SUPT16H: variants seen among roughly 807,000 people sequenced by gnomAD.
SUPT16H encodes SPT16 homolog, facilitates chromatin remodeling subunit.
SUPT16H carries 24 observed loss-of-function variants against 136.2 expected under a neutral mutation model. The observed-to-expected ratio is 0.18, with a 90% CI of 0.13 to 0.25. SUPT16H has a LOEUF of 0.25. SUPT16H is among the 10% of genes least tolerant of loss of function. The probability of loss-of-function intolerance (pLI) is 1.00; values close to 1 mark genes in which losing one functional copy is unlikely to be tolerated. For missense variants in SUPT16H, 623 were observed against 1,270.2 expected, an observed-to-expected ratio of 0.49 and a Z score of 7.74; for synonymous variants, 415 against 428.2, an observed-to-expected ratio of 0.97 and a Z score of 0.38.
intron 22 of SUPT16H, 47 bp from the exon 23 acceptor site, chr14:21,354,587 C>T: frequency 6.2e-7 from 1 of 1,601,012 alleles, no homozygotes; most frequent in Non-Finnish European, 8.5e-7. Flanking sequence ...CTGTATTTTC[C>T]ATATATTCTT....
At chr14:21,357,731 C>T (rs1356070125) in intron 21 of SUPT16H, among the ~76,000 whole-genome samples, 196 bp downstream of exon 21, 1 of 152,140 alleles carries the variant, frequency 6.6e-6, no homozygotes, top group Admixed American at 6.5e-5. Flanking sequence ...CCACCTTGGC[C>T]TCTAATTGTG....
At chr14:21,381,128 T>A (rs1388475937) in intron 1 of SUPT16H, among the ~76,000 whole-genome samples, 1 of 152,034 alleles carries the variant, frequency 6.6e-6, no homozygotes, top group Non-Finnish European at 1.5e-5. Context: ...AATAGTACGT[T>A]CTAAGGTCTC....
intron 1 of SUPT16H, among the ~76,000 whole-genome samples, chr14:21,382,673 ATGACAC>A (rs1418994028): frequency 4.2e-5 from 2 of 47,506 alleles, no homozygotes; most frequent in Admixed American, 1.9e-4. Flanking sequence ...TTTGAATAAT[ATGACAC>A]TGAGAGAAGC....
At chr14:21,363,687 C>CT (rs1396630161) in intron 10 of SUPT16H, among the ~76,000 whole-genome samples, 184 bp from the exon 11 acceptor site, 2 of 151,432 alleles carry the variant, frequency 1.3e-5, no homozygotes, top group Non-Finnish European at 2.9e-5. Flanking sequence ...TTTTCTTTTT[C>CT]TTTTTTTTGA....
intron 22 of SUPT16H, 100 bp from the exon 23 acceptor site, chr14:21,354,640 G>A: frequency 2.1e-6 from 3 of 1,433,310 alleles, no homozygotes; most frequent in Non-Finnish European, 2.8e-6. Context: ...TGCCCAGGCT[G>A]GAGTGCAGTG....
In SUPT16H at chr14:21,352,232, C is replaced by T. The variant is rs926398899; in HGVS notation, c.*441G>A. Reference sequence around the variant, plus strand: ...TGCAAAGATAAAACTTAGAGATGTGCGGAAGGTCATGGCAGTAGGGTAGGT... The same window carrying T: ...TGCAAAGATAAAACTTAGAGATGTGTGGAAGGTCATGGCAGTAGGGTAGGT... On this transcript the variant is annotated 3_prime_UTR_variant, in exon 26 of 26. Transcript: ENST00000216297. The T allele has an allele frequency of 2.3e-5, 4 of 170,838 alleles. No individual in the cohort carries two copies. Among genetic ancestry groups the T allele is most frequent in the Non-Finnish European group, 5.2e-5 (4 of 77,384 alleles). 10.6% of individuals were successfully genotyped at this position (170,838 alleles called of 1,614,324 possible).
chr14:21,369,190 C>T lies in SUPT16H; in HGVS notation c.782+14G>A. The T allele has an allele frequency of 6.2e-7, 1 of 1,611,554 alleles. No individual in the cohort carries two copies. The highest frequency in any genetic ancestry group is 1.3e-5 in the African/African-American group (1 of 74,924). On this transcript the variant is annotated intron_variant, in intron 6 of 25. Transcript: ENST00000216297. ...AAGTCAAAATGCTATATTATGAAGTCTTCATATACTTACCTCACCACACTG... is the reference window on the plus strand; with the variant it reads ...AAGTCAAAATGCTATATTATGAAGTTTTCATATACTTACCTCACCACACTG...
At chr14:21,380,832 G>C (rs540304900) in intron 1 of SUPT16H, among the ~76,000 whole-genome samples, 1 of 151,872 alleles carries the variant, frequency 6.6e-6, no homozygotes, top group Admixed American at 6.6e-5. Context: ...TGGAACCCTG[G>C]GATGGTAGAT....
At chr14:21,379,366 G>A (rs567072305) in intron 1 of SUPT16H, among the ~76,000 whole-genome samples, 3 of 151,516 alleles carry the variant, frequency 2.0e-5, no homozygotes, top group African/African-American at 7.3e-5. Flanking sequence ...ATCCCGGGAG[G>A]CAGAGGTTGC....
chr14:21,361,414 T>TA (rs1304871038), intron 15 of SUPT16H: 194 of 622,116 alleles, frequency 3.1e-4, no homozygotes, highest in Non-Finnish European at 4.8e-4. Flanking sequence ...CCTCCTGGGT[T>TA]CAAGCCATCC....
chr14:21,371,618 C>T (rs989322588), intron 3 of SUPT16H, among the ~76,000 whole-genome samples: 2 of 152,166 alleles, frequency 1.3e-5, no homozygotes, highest in African/African-American at 4.8e-5. Flanking sequence ...TGAAAACAAA[C>T]TAACAGTGTC....
At chr14:21,362,544 G>A (rs1374284089) in intron 14 of SUPT16H, among the ~76,000 whole-genome samples, 1 of 152,074 alleles carries the variant, frequency 6.6e-6, no homozygotes, top group Non-Finnish European at 1.5e-5. Context: ...ACAACTAAAA[G>A]TTAAACAATG....
chr14:21,354,340 A>G, intron 23 of SUPT16H, 71 bp downstream of exon 23: 1 of 1,582,986 alleles, frequency 6.3e-7, no homozygotes, highest in East Asian at 2.2e-5. Context: ...TACTACTCAT[A>G]TTCCATTCTA....
intron 19 of SUPT16H, 102 bp from the exon 20 acceptor site, chr14:21,358,529 C>T: frequency 1.3e-6 from 1 of 791,524 alleles, no homozygotes. Flanking sequence ...AAAATTCCAA[C>T]TTTTAAGTTC....
chr14:21,360,343 T>G, intron 18 of SUPT16H, 72 bp downstream of exon 18: 1 of 1,233,536 alleles, frequency 8.1e-7, no homozygotes, highest in Non-Finnish European at 1.2e-6. Context: ...ATCACTATTT[T>G]ATAGGAAAGA....
chr14:21,366,392 T>G, intron 8 of SUPT16H, 47 bp downstream of exon 8: 3 of 1,563,862 alleles, frequency 1.9e-6, no homozygotes, highest in East Asian at 2.2e-5. Flanking sequence ...CCACTGACAG[T>G]CTAACTGAAA....
At position 21,353,507 on chromosome 14, in the gene SUPT16H, C is replaced by T; in HGVS notation, c.2979G>A (p.Leu993=). 6.2e-7 allele frequency: 1 copy of T among 1,613,974 alleles called. No homozygotes were observed. The highest frequency in any genetic ancestry group is 8.5e-7 in the Non-Finnish European group (1 of 1,180,006). Residue 993 remains leucine, a synonymous_variant, in exon 25 of 26, where the codon CTG becomes CTA. Transcript: ENST00000216297. Reference sequence around the variant, plus strand: ...AAAAACCTTTTCGGGCTTCTTCCTCCAGTTCATCCCAATCCTTTCCACTCT... The same window carrying T: ...AAAAACCTTTTCGGGCTTCTTCCTCTAGTTCATCCCAATCCTTTCCACTCT... The part of the protein sequence containing the change: ...EEESGKDWDE[L]EEEARKADRE...
In SUPT16H at chr14:21,383,934, G is replaced by A. The variant is rs752967914; in HGVS notation, c.-7C>T. On this transcript the variant is annotated 5_prime_UTR_variant, in exon 1 of 26. Coordinates refer to ENST00000216297, the MANE Select transcript of SUPT16H (RefSeq NM_007192.4). ...TGTCCAGAGTCACAGCCATAGCCCC[G>A]GACGCCGCTTCTCCTCGGGTTCCGA... is the stretch of plus-strand genomic sequence containing the variant. 8 of 1,612,326 alleles carry A rather than the reference G, an allele frequency of 5.0e-6. No individual in the cohort carries two copies. The highest frequency in any genetic ancestry group is 5.9e-6 in the Non-Finnish European group (7 of 1,180,000).
chr14:21,369,298 A>G lies in SUPT16H; in HGVS notation c.688T>C (p.Tyr230His). The G allele has an allele frequency of 6.2e-7, 1 of 1,614,148 alleles. No individual in the cohort carries two copies. The highest frequency in any genetic ancestry group is 8.5e-7 in the Non-Finnish European group (1 of 1,180,024). Reference protein sequence around the residue: ...SVEKAIEEKKYLAGADPSTVE... With the variant: ...SVEKAIEEKKHLAGADPSTVE... ...GTAGAAGGGTCTGCCCCAGCAAGGT[A>G]TTTTTTCTCTTCAATGGCCTTTTCC... Residue 230 changes from tyrosine to histidine, a missense_variant, in exon 6 of 26, where the codon TAC becomes CAC. By Grantham distance (83) the Tyr-to-His change is moderately conservative. This residue lies in a region of SUPT16H where 343 missense variants were observed against 525.7 expected (regional missense o/e 0.65). Coordinates refer to ENST00000216297, the MANE Select transcript of SUPT16H (RefSeq NM_007192.4).
Sources: allele counts gnomAD v4.1 joint callset (sites outside exome capture counted in the v4.1 genomes callset), GRCh38; gene constraint gnomAD v4.1.1; regional missense constraint gnomAD v4.1.1; transcripts MANE v1.5; gene names NCBI Gene and HGNC (gene_info 2026-07-23, HGNC 2026-07-21).